The following CPEB3 variants were observed in gnomAD, a reference collection of about 807,000 sequenced individuals.
CPEB3 encodes the protein cytoplasmic polyadenylation element-binding protein 3.
In CPEB3, 20 loss-of-function variants were observed where a neutral mutation model predicts 67.2. The ratio of observed to expected loss-of-function variants is 0.30; its 90% CI spans 0.21 to 0.43. The LOEUF is 0.43. Ranked by LOEUF, CPEB3 falls within the 20% of genes least tolerant of loss-of-function variation. The pLI is 1.00. For synonymous variants in CPEB3, 376 were observed against 393.1 expected (o/e 0.96, Z 0.51); for missense variants, 746 against 968.6 (o/e 0.77, Z 3.05).
At chr10:92,142,176 C>G (rs1846467833) in intron 6 of CPEB3, among the ~76,000 whole-genome samples, 1 of 152,112 alleles carries the variant, frequency 6.6e-6, no homozygotes, top group African/African-American at 2.4e-5. Flanking sequence ...AGCCACTTGC[C>G]TTCCTCAGGT....
chr10:92,119,494 G>A (rs572378142), intron 6 of CPEB3, among the ~76,000 whole-genome samples: 1 of 152,300 alleles, frequency 6.6e-6, no homozygotes, highest in East Asian at 1.9e-4. Flanking sequence ...TTCTTCCTGA[G>A]ACAGTAGAAA....
intron 2 of CPEB3, among the ~76,000 whole-genome samples, chr10:92,226,791 G>C (rs74149392): frequency 6.6e-6 from 1 of 151,934 alleles, no homozygotes; most frequent in Admixed American, 6.6e-5. Context: ...TGGGCAGAGT[G>C]GGGGCTCAGG....
intron 6 of CPEB3, among the ~76,000 whole-genome samples, chr10:92,123,342 C>T (rs964199398): frequency 2.6e-5 from 4 of 152,142 alleles, no homozygotes; most frequent in Non-Finnish European, 4.4e-5. Context: ...ACTGGTCAAA[C>T]TCGTTGGGTA....
At chr10:92,260,805 C>T (rs1018881040) in intron 1 of CPEB3, among the ~76,000 whole-genome samples, 4 of 152,072 alleles carry the variant, frequency 2.6e-5, no homozygotes, top group Non-Finnish European at 4.4e-5. Context: ...GACGGGGTTT[C>T]GCCATGTTGG....
intron 4 of CPEB3, among the ~76,000 whole-genome samples, chr10:92,153,597 A>G (rs1255288799): frequency 6.6e-6 from 1 of 152,170 alleles, no homozygotes; most frequent in Non-Finnish European, 1.5e-5. Context: ...CCTGGCCAAC[A>G]TGGAGAAACC....
In CPEB3 at chr10:92,234,022, G is replaced by T. The variant is rs879872863; in HGVS notation, c.1005+5324C>A. Among the ~76,000 whole-genome samples the T allele has an allele frequency of 6.7e-5, 10 of 149,758 alleles. No homozygotes were observed. The Admixed American group carries it at 6.8e-4, about 10-fold the overall frequency. On this transcript the variant is annotated intron_variant, in intron 2 of 9. Transcript: ENST00000265997. ...CTTGGGAGGCTGAGGCAGGAGAATCGCTTGAACCCAGAGATGGAGGTTGCA... is the reference window on the plus strand; with the variant it reads ...CTTGGGAGGCTGAGGCAGGAGAATCTCTTGAACCCAGAGATGGAGGTTGCA...
At chr10:92,259,349 C>T (rs1432116089) in intron 1 of CPEB3, among the ~76,000 whole-genome samples, 1 of 151,956 alleles carries the variant, frequency 6.6e-6, no homozygotes, top group African/African-American at 2.4e-5. Flanking sequence ...TGCCTGTAAT[C>T]CCAGCACTTT....
At chr10:92,101,254 T>C (rs1040438368) in intron 7 of CPEB3, among the ~76,000 whole-genome samples, 1 of 152,186 alleles carries the variant, frequency 6.6e-6, no homozygotes, top group Non-Finnish European at 1.5e-5. Context: ...AGAGCTCAGC[T>C]ACTTCCCCCA....
intron 4 of CPEB3, among the ~76,000 whole-genome samples, chr10:92,175,805 C>A (rs930121511): frequency 1.5e-4 from 22 of 149,440 alleles, no homozygotes; most frequent in African/African-American, 4.2e-4. Flanking sequence ...CCTATCTAAA[C>A]GTGGCCGGGT....
chr10:92,114,497 T>C (rs1844906167), intron 6 of CPEB3, among the ~76,000 whole-genome samples: 1 of 152,198 alleles, frequency 6.6e-6, no homozygotes, highest in Non-Finnish European at 1.5e-5. Flanking sequence ...AGACAGAAGG[T>C]CTAGATTCGG....
intron 1 of CPEB3, among the ~76,000 whole-genome samples, chr10:92,250,021 C>CAT (rs139850091): frequency 0.026 from 3,763 of 146,154 alleles, 86 homozygotes; most frequent in African/African-American, 0.067. Context: ...GACTCCATCT[C>CAT]ATATATATAT....
chr10:92,183,982 T>C (rs1403182360), intron 3 of CPEB3, among the ~76,000 whole-genome samples: 2 of 152,228 alleles, frequency 1.3e-5, no homozygotes, highest in East Asian at 1.9e-4. Flanking sequence ...AGGGGTACCC[T>C]TTTTGTCCTC....
chr10:92,075,296 G>A (rs995791317), intron 9 of CPEB3, among the ~76,000 whole-genome samples: 3 of 152,134 alleles, frequency 2.0e-5, no homozygotes, highest in African/African-American at 7.2e-5. Context: ...TATATTATGA[G>A]CTGAATAATT....
intron 1 of CPEB3, among the ~76,000 whole-genome samples, chr10:92,275,248 C>A (rs1841926691): frequency 6.6e-6 from 1 of 152,206 alleles, no homozygotes; most frequent in Non-Finnish European, 1.5e-5. Context: ...TATCCTTGGT[C>A]TCTACCCATC....
intron 2 of CPEB3, among the ~76,000 whole-genome samples, chr10:92,214,268 TC>T (rs774807278): frequency 1.4e-4 from 21 of 152,138 alleles, no homozygotes; most frequent in Non-Finnish European, 3.1e-4. Flanking sequence ...TTTCCATCCC[TC>T]TGTCATGTGA....
At position 92,048,956 on chromosome 10, in the gene CPEB3, ATTGAG is replaced by A. The variant is rs1392082821; in HGVS notation, c.*3251_*3255del. 5.2e-5 allele frequency: 8 copies of A among 152,636 alleles called. No homozygotes were observed. The highest frequency in any genetic ancestry group is 1.9e-4 in the African/African-American group (8 of 41,474). The allele number at this position is 152,636 out of a possible 1,614,324, so 9.5% of individuals were successfully genotyped here. On this transcript the variant is annotated 3_prime_UTR_variant, in exon 10 of 10. Coordinates refer to ENST00000265997, the MANE Select transcript of CPEB3 (RefSeq NM_014912.5). This position sits in a 1 kb window ranked among gnomAD's most constrained non-coding sequence, Gnocchi z 4.1. ...CCTCCCAGAAACAACTCTATTAATG[ATTGAG>A]AAAGCACTCCTTAAAGAAAATACGA...
At chr10:92,160,364 C>A (rs1444178853) in intron 4 of CPEB3, among the ~76,000 whole-genome samples, 1 of 152,150 alleles carries the variant, frequency 6.6e-6, no homozygotes, top group Non-Finnish European at 1.5e-5. Context: ...ACCTTGAATT[C>A]CTCTTGTTAC....
intron 6 of CPEB3, among the ~76,000 whole-genome samples, chr10:92,115,757 CCA>C (rs1844990522): frequency 6.6e-6 from 1 of 152,072 alleles, no homozygotes; most frequent in African/African-American, 2.4e-5. Flanking sequence ...ATTACAGAAA[CCA>C]CAATGTTATT....
chr10:92,165,403 C>CTTTT (rs34205234), intron 4 of CPEB3, among the ~76,000 whole-genome samples: 77 of 121,408 alleles, frequency 6.3e-4, no homozygotes, highest in Non-Finnish European at 8.0e-4. Context: ...CTTTTTTCTT[C>CTTTT]TTTTTTTTTT....
Sources: gnomAD v4.1 joint callset for allele counts (sites outside exome capture counted in the v4.1 genomes callset) on GRCh38, gnomAD v4.1.1 for gene constraint, Gnocchi (gnomAD v3.1) non-coding constraint, MANE v1.5 for transcripts, NCBI Gene and HGNC (gene_info 2026-07-23, HGNC 2026-07-21) for gene names.